TSHZ3: variants seen among roughly 807,000 people sequenced by gnomAD.
TSHZ3 encodes the protein teashirt homolog 3.
TSHZ3 carries 10 observed loss-of-function variants against 64.5 expected under a neutral mutation model. That is an observed-to-expected ratio of 0.16 (90% confidence interval 0.10 to 0.26). The LOEUF (loss-of-function observed/expected upper bound fraction) is 0.26. TSHZ3 is among the 10% of genes least tolerant of loss of function. The pLI, the probability that TSHZ3 is intolerant of heterozygous loss-of-function variation, is 1.00. For synonymous variants in TSHZ3, 608 were observed against 593.1 expected (o/e 1.03, Z -0.36); for missense variants, 1,242 against 1,421.7 (o/e 0.87, Z 2.03).
At chr19:31,160,754 AACT>A (rs1464743851) in intron 5 of TSHZ3, among the ~76,000 whole-genome samples, 1 of 151,984 alleles carries the variant, frequency 6.6e-6, no homozygotes, top group African/African-American at 2.4e-5. Flanking sequence ...ACATACACAA[AACT>A]ACACACACAT....
chr19:31,277,009 G>C lies in TSHZ3; in HGVS notation c.2784C>G (p.Ser928Arg), dbSNP rs1298178736. 1.2e-6 allele frequency: 2 copies of C among 1,612,594 alleles called. No homozygotes were observed. Among genetic ancestry groups the C allele is most frequent in the Non-Finnish European group, 1.7e-6 (2 of 1,178,948 alleles). ...TGGAGATATGCATCCGCTCCTGGGG[G>C]CTCAGGTCTGACATGATGTACTTCC... ...SEGKYIMSDL[S>R]PQERMHISRF... The change falls in exon 2 of 2, where the codon AGC (serine) becomes AGG (arginine). Residue 928 changes from serine to arginine, a missense_variant. This residue lies in a region of TSHZ3 where 550 missense variants were observed against 545.1 expected (regional missense o/e 1.01). Transcript: ENST00000240587. The surrounding 1 kb of genome is among the most constrained non-coding windows in gnomAD (Gnocchi z 4.5).
intron 1 of TSHZ3, among the ~76,000 whole-genome samples, chr19:31,287,324 C>T (rs898169016): frequency 6.6e-6 from 1 of 152,190 alleles, no homozygotes; most frequent in African/African-American, 2.4e-5. Context: ...GCTTTGCTGG[C>T]TAAAACTGTT....
intron 1 of TSHZ3, among the ~76,000 whole-genome samples, chr19:31,331,273 G>A (rs577851542): frequency 1.3e-5 from 2 of 152,266 alleles, no homozygotes; most frequent in East Asian, 1.9e-4. Flanking sequence ...CGCTCTCATA[G>A]TAAGCACTTT....
intron 1 of TSHZ3, among the ~76,000 whole-genome samples, chr19:31,249,516 C>T (rs1044692746): frequency 2.6e-5 from 4 of 151,514 alleles, no homozygotes; most frequent in Non-Finnish European, 5.9e-5. Flanking sequence ...CACATGCGCG[C>T]CCGCACACAC....
intron 1 of TSHZ3, among the ~76,000 whole-genome samples, chr19:31,298,537 G>A (rs1406047834): frequency 6.6e-6 from 1 of 152,164 alleles, no homozygotes; most frequent in Non-Finnish European, 1.5e-5. Context: ...TAAAAGCCCA[G>A]AACCAATTGT....
At chr19:31,171,723 T>G (rs1421692718) in intron 5 of TSHZ3, among the ~76,000 whole-genome samples, 2 of 152,128 alleles carry the variant, frequency 1.3e-5, no homozygotes, top group African/African-American at 4.8e-5. Flanking sequence ...GGCCTCATAC[T>G]CCCTGTGGGG....
chr19:31,323,085 G>GC (rs1333521348), intron 1 of TSHZ3, among the ~76,000 whole-genome samples: 1 of 152,066 alleles, frequency 6.6e-6, no homozygotes, highest in Admixed American at 6.6e-5. Context: ...CTTTTTTCAC[G>GC]CAACATTGGG....
chr19:31,150,386 A>G (rs1160665393), exon 7 of TSHZ3, among the ~76,000 whole-genome samples: 2 of 152,226 alleles, frequency 1.3e-5, no homozygotes, highest in East Asian at 3.9e-4. Flanking sequence ...ACAATTAGGC[A>G]AAGTCTTCAT....
rs1030877232 is a variant in TSHZ3, at chr19:31,279,633, T to A, written c.160A>T (p.Arg54Trp). Residue 54 changes from arginine (R) to tryptophan (W), a missense_variant, in exon 2 of 2, where the codon AGG (arginine) becomes TGG (tryptophan). Coordinates refer to ENST00000240587, the MANE Select transcript of TSHZ3 (RefSeq NM_020856.4). The surrounding 1 kb of genome is among the most constrained non-coding windows in gnomAD (Gnocchi z 6.4). ...GAGTTCTGGTAGCTGGGGCAGGCCC[T>A]GGCGAGCTCCTTCTCCGGGCACATG... is the stretch of plus-strand genomic sequence containing the variant. ...KYMCPEKELA[R>W]ACPSYQNSPA... 18 of 1,611,180 alleles carry A rather than the reference T, an allele frequency of 1.1e-5. No homozygotes were observed. The Admixed American group carries it at 2.3e-4, about 21-fold the overall frequency.
At chr19:31,318,757 G>A (rs1420057840) in intron 1 of TSHZ3, among the ~76,000 whole-genome samples, 2 of 152,182 alleles carry the variant, frequency 1.3e-5, no homozygotes, top group Admixed American at 6.5e-5. Flanking sequence ...TAGCAATTAT[G>A]TCATAAGCCC....
intron 5 of TSHZ3, chr19:31,167,829 C>G (rs1214461609): frequency 6.6e-6 from 1 of 152,198 alleles, no homozygotes; most frequent in African/African-American, 2.4e-5. Flanking sequence ...CGTTTTTGCT[C>G]TAAGGTAAGG....
chr19:31,303,596 G>A (rs982391690), intron 1 of TSHZ3, among the ~76,000 whole-genome samples: 2 of 152,146 alleles, frequency 1.3e-5, no homozygotes, highest in Non-Finnish European at 2.9e-5. Context: ...TCTGGTGGGT[G>A]CTGGTACAGG....
intron 5 of TSHZ3, among the ~76,000 whole-genome samples, chr19:31,191,837 A>AGACTGCACCCCAGCCTGGGT: frequency 6.6e-6 from 1 of 152,106 alleles, no homozygotes; most frequent in African/African-American, 2.4e-5. Flanking sequence ...CCAGCCTGGG[A>AGACTGCACCCCAGCCTGGGT]GACTGCACCC....
chr19:31,345,510 T>G (rs1917563596), intron 1 of TSHZ3, among the ~76,000 whole-genome samples: 1 of 152,182 alleles, frequency 6.6e-6, no homozygotes, highest in South Asian at 2.1e-4. Context: ...TCCACAGTGT[T>G]CTGTGGCACC....
chr19:31,307,026 C>T (rs1446638177), intron 1 of TSHZ3, among the ~76,000 whole-genome samples: 1 of 151,798 alleles, frequency 6.6e-6, no homozygotes, highest in Non-Finnish European at 1.5e-5. Flanking sequence ...CTCATTCCAC[C>T]CCCACAAATT....
chr19:31,186,832 A>G (rs907585347), intron 5 of TSHZ3, among the ~76,000 whole-genome samples: 6 of 152,156 alleles, frequency 3.9e-5, no homozygotes, highest in Non-Finnish European at 7.4e-5. Context: ...TATGCTTTTT[A>G]TATGTCATTC....
intron 5 of TSHZ3, among the ~76,000 whole-genome samples, chr19:31,166,909 C>T (rs998099393): frequency 6.6e-6 from 1 of 152,168 alleles, no homozygotes; most frequent in East Asian, 1.9e-4. Context: ...GATGACAGTA[C>T]AAGGAAGCAT....
At position 31,278,260 on chromosome 19, in the gene TSHZ3, G is replaced by A. The variant is rs1166374993; in HGVS notation, c.1533C>T (p.Asp511=). The change falls in exon 2 of 2, where the codon GAC becomes GAT. Residue 511 remains aspartate (D), a synonymous_variant. Transcript: ENST00000240587. The surrounding 1 kb of genome is among the most constrained non-coding windows in gnomAD (Gnocchi z 4.7). ...GCCCCCCCTTGGGACTCTCTTCTAA[G>A]TCATTTTCAGTCAAGTAATGGTATT... ...SSKYHYLTEN[D]LEESPKGGLD... 4.3e-6 allele frequency: 7 copies of A among 1,614,034 alleles called. No homozygotes were observed. The Admixed American group carries it at 1.0e-4, about 23-fold the overall frequency.
chr19:31,286,267 G>GT (rs1425350112), intron 1 of TSHZ3, among the ~76,000 whole-genome samples: 3 of 152,188 alleles, frequency 2.0e-5, no homozygotes, highest in African/African-American at 7.2e-5. Flanking sequence ...AGAACCAAAT[G>GT]TGACTCCTGG....
Sources: gnomAD v4.1 joint callset for allele counts (sites outside exome capture counted in the v4.1 genomes callset) on GRCh38, gnomAD v4.1.1 for gene constraint, gnomAD v4.1.1 regional missense constraint, Gnocchi (gnomAD v3.1) non-coding constraint, MANE v1.5 for transcripts, NCBI Gene and HGNC (gene_info 2026-07-23, HGNC 2026-07-21) for gene names.